Variants in NBPF26 observed in about 807,000 individuals in gnomAD.
NBPF26 encodes the protein NBPF member 26.
Under a neutral mutation model 119.6 loss-of-function variants are expected in NBPF26, and 79 were observed. The ratio of observed to expected loss-of-function variants is 0.66; its 90% CI spans 0.55 to 0.80. The LOEUF (loss-of-function observed/expected upper bound fraction) is 0.80, where lower values mean the gene tolerates loss of function less well. Ranked by LOEUF, NBPF26 falls within the 30% of genes least tolerant of loss-of-function variation. NBPF26 has a pLI of 0.00. For synonymous variants in NBPF26, 299 were observed against 457.7 expected, an observed-to-expected ratio of 0.65 and a Z score of 4.43; for missense variants, 800 against 1,198.2, an observed-to-expected ratio of 0.67 and a Z score of 4.91.
At chr1:120,809,844 T>A (rs1651814323) in exon 8 of NBPF26, 1 of 1,490,464 alleles carries the variant, frequency 6.7e-7, no homozygotes, top group African/African-American at 2.1e-5. Flanking sequence ...GATGTTCAAG[T>A]TGAGGAGGAT....
Position 120,753,282 on chromosome 1 carries a change from GA to G in NBPF26, c.74-10344del, listed in dbSNP as rs1651046371. ...GATGTGTACTGGAATTTGGGTACAG[GA>G]ATACTATTCACAGGTGAACAGAGTT... On this transcript the variant is annotated intron_variant, in intron 1 of 29. Transcript: ENST00000620612. Among the ~76,000 whole-genome samples, 5 of 112,534 alleles carry G rather than the reference GA, an allele frequency of 4.4e-5. 1 individual carries two copies. In the South Asian group the frequency reaches 1.1e-3, roughly 24 times the overall value. The allele number at this position is 112,534 out of a possible 152,430, so 73.8% of individuals were successfully genotyped here. A position where few individuals can be genotyped will look rare whatever the true frequency, so the allele number is the denominator to read the frequency against.
chr1:120,764,423 TA>T (rs1477698455), intron 2 of NBPF26, among the ~76,000 whole-genome samples: 3 of 93,332 alleles, frequency 3.2e-5, no homozygotes, highest in Non-Finnish European at 2.0e-5. Flanking sequence ...ATTATATTCA[TA>T]TTTTTTTCTA....
Position 120,808,106 on chromosome 1 carries a change from C to G in NBPF26, c.1064+397C>G, listed in dbSNP as rs1260938069. ...TCTTTCACTCAATCAATGTTGCCTT[C>G]TCGACCCTGTCATTCTTTTCTTCTT... On this transcript the variant is annotated intron_variant, in intron 6 of 29. Transcript: ENST00000620612. Among the ~76,000 whole-genome samples, 6 of 119,438 alleles carry G rather than the reference C, an allele frequency of 5.0e-5. 1 individual carries two copies. The highest frequency in any genetic ancestry group is 8.4e-5 in the Admixed American group (1 of 11,922). The allele number at this position is 119,438 out of a possible 152,430, so 78.4% of individuals were successfully genotyped here.
exon 5 of NBPF26, chr1:120,805,638 C>T: frequency 6.8e-7 from 1 of 1,462,258 alleles, no homozygotes; most frequent in Non-Finnish European, 9.2e-7. Flanking sequence ...CAGAGATGAA[C>T]ATTCTAGAAA....
intron 11 of NBPF26, among the ~76,000 whole-genome samples, 194 bp from the exon 12 acceptor site, chr1:120,814,635 C>G (rs1478356129): frequency 8.1e-6 from 1 of 123,622 alleles, no homozygotes. Flanking sequence ...CTTGCAAGAG[C>G]CCTCTCTGAT....
intron 1 of NBPF26, among the ~76,000 whole-genome samples, chr1:120,752,552 A>ATT (rs1386751525): frequency 7.5e-3 from 67 of 8,978 alleles, no homozygotes; most frequent in Admixed American, 0.014. Context: ...ATATATATAT[A>ATT]TATTTTTTTT....
intron 1 of NBPF26, among the ~76,000 whole-genome samples, chr1:120,734,405 T>C (rs1650893456): frequency 1.1e-5 from 1 of 91,808 alleles, no homozygotes; most frequent in Non-Finnish European, 2.1e-5. Flanking sequence ...TACAATATTT[T>C]CTTTTTTTTT....
At chr1:120,790,586 T>TTCTTTC (rs1651479979) in intron 3 of NBPF26, among the ~76,000 whole-genome samples, 4 of 103,286 alleles carry the variant, frequency 3.9e-5, no homozygotes, top group Non-Finnish European at 7.2e-5. Flanking sequence ...CTTTCTTTCT[T>TTCTTTC]TCTTTCTCTT....
chr1:120,763,578 G>T lies in NBPF26; in HGVS notation c.74-50G>T. On this transcript the variant is annotated intron_variant, in intron 1 of 29. Coordinates refer to ENST00000620612, the Ensembl canonical transcript of NBPF26. The stretch of plus-strand genomic sequence containing the variant: ...TGGATTACACTTCTTTGGTGTCTGA[G>T]GGTTATGATTAGTGACTTACTTCTA... 3 of 785,672 alleles carry T rather than the reference G, an allele frequency of 3.8e-6. 1 individual carries two copies. The highest frequency in any genetic ancestry group is 6.0e-6 in the Non-Finnish European group (3 of 501,494). 48.7% of individuals were successfully genotyped at this position (785,672 alleles called of 1,614,324 possible).
rs1434215345 is a variant in NBPF26 at position 120,756,654 on chromosome 1, CTTAA to C, written c.74-6970_74-6967del. Among the ~76,000 whole-genome samples, 4 of 117,932 alleles carry C rather than the reference CTTAA, an allele frequency of 3.4e-5. 1 individual carries two copies. The highest frequency in any genetic ancestry group is 6.5e-5 in the Non-Finnish European group (4 of 61,378). The allele number at this position is 117,932 out of a possible 152,430, so 77.4% of individuals were successfully genotyped here. A position where few individuals can be genotyped will look rare whatever the true frequency, so the allele number is the denominator to read the frequency against. On this transcript the variant is annotated intron_variant, in intron 1 of 29. Coordinates refer to ENST00000620612, the Ensembl canonical transcript of NBPF26. Reference sequence around the variant, plus strand: ...CAGATTACACTGGCTGAAGTACAGACTTAATTACTCATGTTAGAGATTCCTAAAA... The same window carrying C: ...CAGATTACACTGGCTGAAGTACAGACTTACTCATGTTAGAGATTCCTAAAA...
At chr1:120,823,076 C>A (rs1281985587) in intron 16 of NBPF26, among the ~76,000 whole-genome samples, 3 of 119,822 alleles carry the variant, frequency 2.5e-5, no homozygotes, top group East Asian at 4.1e-4. Flanking sequence ...TAGGACAGAG[C>A]ACATAGGGAA....
chr1:120,785,281 C>A lies in NBPF26; in HGVS notation c.415+48C>A. On this transcript the variant is annotated intron_variant, in intron 3 of 29. Coordinates refer to ENST00000620612, the Ensembl canonical transcript of NBPF26. ...GTGCTTCCCTACCTTCAGCAGATAC[C>A]TTTATTTAGCATCTTTTAGATCATG... The A allele has an allele frequency of 1.4e-6, 2 of 1,394,408 alleles. 1 individual carries two copies. Among genetic ancestry groups the A allele is most frequent in the Admixed American group, 3.9e-5 (2 of 50,980 alleles). The allele number at this position is 1,394,408 out of a possible 1,614,324, so 86.4% of individuals were successfully genotyped here. A position where few individuals can be genotyped will look rare whatever the true frequency, so the allele number is the denominator to read the frequency against.
At position 120,805,708 on chromosome 1, in the gene NBPF26, G is replaced by A. The variant is rs1651665735; in HGVS notation, c.904G>A (p.Glu302Lys). The change falls in exon 5 of 30, where the codon GAG becomes AAG. Residue 302 changes from glutamate to lysine, a missense_variant. By Grantham distance (56) the Glu-to-Lys change is moderately conservative. Transcript: ENST00000620612. ...CAAACAGCAGTTGAGAAACCTCAAA[G>A]AGAAATGTTTTCTAACTCAACTGGC... is the stretch of plus-strand genomic sequence containing the variant. 16 of 1,454,684 alleles carry A rather than the reference G, an allele frequency of 1.1e-5. 4 individuals are homozygous for A. The highest frequency in any genetic ancestry group is 1.4e-5 in the Non-Finnish European group (15 of 1,078,172). 90.1% of individuals were successfully genotyped at this position (1,454,684 alleles called of 1,614,324 possible).
intron 1 of NBPF26, among the ~76,000 whole-genome samples, chr1:120,756,703 C>T (rs2101393945): frequency 8.6e-6 from 1 of 116,486 alleles, no homozygotes; most frequent in South Asian, 2.5e-4. Context: ...GCTTTTAAGC[C>T]AGTGATATGT....
chr1:120,756,509 G>GA (rs1272569177), intron 1 of NBPF26, among the ~76,000 whole-genome samples: 1 of 116,826 alleles, frequency 8.6e-6, no homozygotes, highest in African/African-American at 5.0e-5. Flanking sequence ...AGAAGGATAT[G>GA]AAAAAAATCA....
rs1454830906 is a variant in NBPF26, at chr1:120,790,862, A to C, written c.416-2299A>C. On this transcript the variant is annotated intron_variant, in intron 3 of 29. Coordinates refer to ENST00000620612, the Ensembl canonical transcript of NBPF26. Reference sequence around the variant, plus strand: ...TGATCTGCCCACCTCAGCCTCCCAAAGTGCTGGGATTACAGGCATCAGCCA... The same window carrying C: ...TGATCTGCCCACCTCAGCCTCCCAACGTGCTGGGATTACAGGCATCAGCCA... 2.0e-5 allele frequency among the ~76,000 whole-genome samples: 2 copies of C among 99,056 alleles called. 1 individual carries two copies. The highest frequency in any genetic ancestry group is 3.7e-5 in the Non-Finnish European group (2 of 54,658). The allele number at this position is 99,056 out of a possible 152,430, so 65.0% of individuals were successfully genotyped here. A position where few individuals can be genotyped will look rare whatever the true frequency, so the allele number is the denominator to read the frequency against.
In NBPF26 at chr1:120,810,640, A is replaced by G. The variant is rs1651838644; in HGVS notation, c.1564+82A>G. 11 of 1,313,926 alleles carry G rather than the reference A, an allele frequency of 8.4e-6. 2 individuals are homozygous for G. Among genetic ancestry groups the G allele is most frequent in the African/African-American group, 5.6e-5 (2 of 36,036 alleles). 81.4% of individuals were successfully genotyped at this position (1,313,926 alleles called of 1,614,324 possible). ...CTGAGGACAGGCTGTATATACACAT[A>G]TTGTTATTGTTTTAGTCAGAAACTG... is the stretch of plus-strand genomic sequence containing the variant. On this transcript the variant is annotated intron_variant, in intron 9 of 29. Transcript: ENST00000620612.
rs1553271035 is a variant in NBPF26 at position 120,811,950 on chromosome 1, C to A, written c.1629C>A (p.Gly543=). 5 of 1,222,956 alleles carry A rather than the reference C, an allele frequency of 4.1e-6. 1 individual carries two copies. Among genetic ancestry groups the A allele is most frequent in the Non-Finnish European group, 5.7e-6 (5 of 884,360 alleles). 75.8% of individuals were successfully genotyped at this position (1,222,956 alleles called of 1,614,324 possible). A position where few individuals can be genotyped will look rare whatever the true frequency, so the allele number is the denominator to read the frequency against. The stretch of plus-strand genomic sequence containing the variant: ...TGGTATCAGCCGGCCCTTTGTCCGG[C>A]GAGAAGGCAGCGATAAACATTCTAG... The change falls in exon 10 of 30, where the codon GGC becomes GGA. Residue 543 remains glycine, a synonymous_variant. Transcript: ENST00000620612.
intron 9 of NBPF26, 114 bp from the exon 10 acceptor site, chr1:120,811,772 G>A: frequency 1.6e-6 from 1 of 639,292 alleles, no homozygotes; most frequent in East Asian, 2.6e-5. Flanking sequence ...TGAAACCAGG[G>A]AAACATCTTC....
Sources: allele counts gnomAD v4.1 joint callset (sites outside exome capture counted in the v4.1 genomes callset), GRCh38; gene constraint gnomAD v4.1.1; transcripts MANE v1.5; gene names NCBI Gene and HGNC (gene_info 2026-07-23, HGNC 2026-07-21).